The following HNRNPH1 variants were observed in gnomAD, a reference collection of about 807,000 sequenced individuals.
The protein encoded by HNRNPH1 is heterogeneous nuclear ribonucleoprotein H1.
In HNRNPH1, 4 loss-of-function variants were observed where a neutral mutation model predicts 58.6. The observed-to-expected ratio is 0.07, with a 90% CI of 0.03 to 0.16. The LOEUF (loss-of-function observed/expected upper bound fraction) is 0.16. Among genes scored for constraint, HNRNPH1 ranks in the 10% least tolerant of loss-of-function variants. The probability of loss-of-function intolerance (pLI) is 1.00; values close to 1 mark genes in which losing one functional copy is unlikely to be tolerated. For synonymous variants in HNRNPH1, 192 were observed against 189.2 expected, an observed-to-expected ratio of 1.01 and a Z score of -0.12; for missense variants, 271 against 564.2, an observed-to-expected ratio of 0.48 and a Z score of 5.26.
intron 7 of HNRNPH1, 26 bp downstream of exon 8, chr5:179,617,773 G>C: frequency 6.2e-7 from 1 of 1,611,126 alleles, no homozygotes; most frequent in East Asian, 2.2e-5. Context: ...CTGAAATATT[G>C]ACTTGTGAGT....
intron 4 of HNRNPH1, 199 bp from the exon 6 acceptor site, chr5:179,618,522 G>C: frequency 2.1e-5 from 6 of 288,514 alleles, no homozygotes; most frequent in East Asian, 1.1e-4. Flanking sequence ...AAACTTTATA[G>C]AAAAAAAAAA....
At chr5:179,620,559 G>A (rs866405680) in intron 3 of HNRNPH1, 54 of 215,332 alleles carry the variant, frequency 2.5e-4, no homozygotes, top group Middle Eastern at 3.7e-3. Context: ...TCGCACTGAT[G>A]ATCTGCTGGT....
chr5:179,618,109 C>A, intron 5 of HNRNPH1, 36 bp downstream of exon 6: 4 of 1,613,632 alleles, frequency 2.5e-6, no homozygotes, highest in Non-Finnish European at 3.4e-6. Flanking sequence ...GACAAAGGAA[C>A]AGACGACTTG....
chr5:179,623,249 C>G (rs1773596929), exon 1 of HNRNPH1: 1 of 642,946 alleles, frequency 1.6e-6, no homozygotes, highest in African/African-American at 1.9e-5. Flanking sequence ...CACCGCCCCC[C>G]CACGGAGCAA....
intron 11 of HNRNPH1, 62 bp from the exon 13 acceptor site, chr5:179,615,657 GAAA>G: frequency 1.2e-6 from 1 of 839,844 alleles, no homozygotes; most frequent in Non-Finnish European, 1.9e-6. Context: ...TAGACCAATT[GAAA>G]AAAAATAAAT....
In HNRNPH1 at chr5:179,616,855, C is replaced by T. The variant is rs1369165497; in HGVS notation, c.1207+14G>A. 3.3e-5 allele frequency: 53 copies of T among 1,608,570 alleles called. No individual in the cohort carries two copies. The highest frequency in any genetic ancestry group is 4.3e-5 in the Non-Finnish European group (50 of 1,175,950). ...ATAAACGTTTTGGTTTTTAAAAAAA[C>T]TAACGATATTTACACAAGCCCATGC... On this transcript the variant is annotated intron_variant, in intron 10 of 12. Coordinates refer to ENST00000356731, the Ensembl canonical transcript of HNRNPH1.
At chr5:179,618,218 C>G in exon 5 of HNRNPH1, 2 of 1,614,124 alleles carry the variant, frequency 1.2e-6, no homozygotes, top group Non-Finnish European at 1.7e-6. Context: ...CTCTACCAGC[C>G]CCAGGTCTGT....
chr5:179,623,157 G>A (rs779526929), exon 1 of HNRNPH1: 2 of 1,543,258 alleles, frequency 1.3e-6, no homozygotes, highest in South Asian at 1.1e-5. Context: ...GTCCGGCGTC[G>A]AAACAAACTG....
At chr5:179,623,041 A>G (rs1180040191) in exon 1 of HNRNPH1, 2 of 1,562,218 alleles carry the variant, frequency 1.3e-6, no homozygotes, top group South Asian at 2.2e-5. Flanking sequence ...ACTCACCAGA[A>G]AAAAACCTCT....
intron 12 of HNRNPH1, 57 bp downstream of exon 13, chr5:179,615,489 A>AT (rs1769072558): frequency 1.0e-6 from 1 of 952,494 alleles, no homozygotes; most frequent in Non-Finnish European, 1.7e-6. Context: ...AGAAAGCATT[A>AT]TTACAACATA....
exon 3 of HNRNPH1, chr5:179,620,956 G>C (rs1772045646): frequency 6.2e-7 from 1 of 1,613,858 alleles, no homozygotes; most frequent in Non-Finnish European, 8.5e-7. Flanking sequence ...GCCGTACAAA[G>C]CCATCATTGG....
intron 4 of HNRNPH1, chr5:179,619,016 A>G: frequency 3.6e-6 from 1 of 276,070 alleles, no homozygotes; most frequent in East Asian, 6.6e-5. Flanking sequence ...TTAAAGCCAT[A>G]GTCTCTCAAC....
chr5:179,615,968 C>G (rs1405603922), intron 11 of HNRNPH1, 158 bp downstream of exon 12: 1 of 624,116 alleles, frequency 1.6e-6, no homozygotes, highest in Non-Finnish European at 2.9e-6. Flanking sequence ...TTTCATAACC[C>G]AATTTCACCG....
At chr5:179,616,790 A>G in intron 10 of HNRNPH1, 79 bp downstream of exon 11, 5 of 1,234,268 alleles carry the variant, frequency 4.1e-6, no homozygotes, top group Non-Finnish European at 5.8e-6. Context: ...AACTTATTAA[A>G]TAAATAGATT....
At chr5:179,616,274 G>A in intron 10 of HNRNPH1, 56 bp from the exon 12 acceptor site, 1 of 1,336,576 alleles carries the variant, frequency 7.5e-7, no homozygotes, top group South Asian at 1.2e-5. Flanking sequence ...GGTACCTGGT[G>A]GTACCGGGCT....
exon 1 of HNRNPH1, chr5:179,623,271 A>C: frequency 1.9e-6 from 1 of 524,728 alleles, no homozygotes; most frequent in East Asian, 4.1e-5. Flanking sequence ...AACCGGGCGG[A>C]TGCACCCACC....
At chr5:179,623,667 A>C (rs1773925645) in exon 1 of HNRNPH1, 1 of 152,864 alleles carries the variant, frequency 6.5e-6, no homozygotes, top group Non-Finnish European at 1.5e-5. Flanking sequence ...GGCTAAGACG[A>C]AATGGCCAGC....
upstream of HNRNPH1, among the ~76,000 whole-genome samples, chr5:179,626,357 G>A (rs748033900): frequency 2.0e-5 from 3 of 151,522 alleles, no homozygotes; most frequent in African/African-American, 7.3e-5. Flanking sequence ...TGCCTGCCTC[G>A]GCCTCCCAAA....
upstream of HNRNPH1, among the ~76,000 whole-genome samples, chr5:179,625,235 C>T (rs773755832): frequency 1.4e-4 from 21 of 152,060 alleles, no homozygotes; most frequent in Non-Finnish European, 2.2e-4. Flanking sequence ...GTGGCTCACT[C>T]GTGTAATACC....
Sources: gnomAD v4.1 joint callset for allele counts (sites outside exome capture counted in the v4.1 genomes callset) on GRCh38, gnomAD v4.1.1 for gene constraint, MANE v1.5 for transcripts, NCBI Gene and HGNC (gene_info 2026-07-23, HGNC 2026-07-21) for gene names.